Variants in MTUS2 observed in about 807,000 individuals in gnomAD.
MTUS2 encodes the protein microtubule associated scaffold protein 2, also known as microtubule-associated tumor suppressor candidate 2.
In MTUS2, 40 loss-of-function variants were observed where a neutral mutation model predicts 114.1. That is an observed-to-expected ratio of 0.35 (90% confidence interval 0.27 to 0.46). MTUS2 has a LOEUF of 0.46. Among genes scored for constraint, MTUS2 ranks in the 20% least tolerant of loss-of-function variants. The pLI is 1.00. For missense variants in MTUS2, 1,679 were observed against 1,705.4 expected (o/e 0.98, Z 0.27); for synonymous variants, 688 against 672.0 (o/e 1.02, Z -0.37).
rs1433137551 is a variant in MTUS2 at position 29,483,414 on chromosome 13, GCT to G, written c.3399+3055_3399+3056del. Among the ~76,000 whole-genome samples, 4 of 152,248 alleles carry G rather than the reference GCT, an allele frequency of 2.6e-5. No individual in the cohort carries two copies. In the East Asian group the frequency reaches 5.8e-4, roughly 22 times the overall value. ...CCGCCATCTCACAGGGCATGGGCTG[GCT>G]CTCTGCCCACGGCATGTGCTCCGGC... On this transcript the variant is annotated intron_variant, in intron 10 of 15. Coordinates refer to ENST00000612955, the MANE Select transcript of MTUS2 (RefSeq NM_001033602.4).
chr13:28,903,718 A>G (rs1447191403), intron 2 of MTUS2, among the ~76,000 whole-genome samples: 4 of 152,000 alleles, frequency 2.6e-5, no homozygotes, highest in Non-Finnish European at 4.4e-5. Context: ...GTGCCGCAAT[A>G]AACATGTGTG....
intron 9 of MTUS2, among the ~76,000 whole-genome samples, chr13:29,470,925 T>G (rs375984783): frequency 1.3e-5 from 2 of 152,260 alleles, no homozygotes; most frequent in East Asian, 3.8e-4. Flanking sequence ...GAATGGTGTC[T>G]TCTCCGAACA....
intron 5 of MTUS2, among the ~76,000 whole-genome samples, chr13:29,126,662 G>C (rs1283148399): frequency 1.3e-5 from 2 of 151,886 alleles, no homozygotes; most frequent in African/African-American, 4.8e-5. Flanking sequence ...CTCATCAGCT[G>C]TTGTTAGTAT....
At position 29,444,926 on chromosome 13, in the gene MTUS2, C is replaced by G. The variant is rs1038238861; in HGVS notation, c.3184+4877C>G. Among the ~76,000 whole-genome samples the G allele has an allele frequency of 3.9e-5, 6 of 152,230 alleles. No individual in the cohort carries two copies. The South Asian group carries it at 1.2e-3, about 31-fold the overall frequency. On this transcript the variant is annotated intron_variant, in intron 9 of 15. Coordinates refer to ENST00000612955, the MANE Select transcript of MTUS2 (RefSeq NM_001033602.4). ...TGCCTTTGCCTGTCTGCCTGGGGGA[C>G]TCAGTCTTCTCAAGTCAGCTACCCT... is the stretch of plus-strand genomic sequence containing the variant.
At chr13:28,930,337 C>T (rs1218675284) in intron 2 of MTUS2, among the ~76,000 whole-genome samples, 1 of 152,172 alleles carries the variant, frequency 6.6e-6, no homozygotes, top group African/African-American at 2.4e-5. Context: ...AAACTGAGCA[C>T]CTTCCCCAGA....
At chr13:29,321,292 A>G (rs1192111526) in intron 6 of MTUS2, among the ~76,000 whole-genome samples, 1 of 152,220 alleles carries the variant, frequency 6.6e-6, no homozygotes, top group African/African-American at 2.4e-5. Context: ...GGCTGAGACA[A>G]CAGCCGGGAG....
chr13:28,910,831 T>C (rs1187155036), intron 2 of MTUS2, among the ~76,000 whole-genome samples: 3 of 146,756 alleles, frequency 2.0e-5, no homozygotes, highest in Non-Finnish European at 4.5e-5. Flanking sequence ...GAATAGTGGC[T>C]GCAATGAACA....
intron 5 of MTUS2, among the ~76,000 whole-genome samples, chr13:29,242,223 C>T (rs1896759091): frequency 1.3e-5 from 2 of 152,272 alleles, no homozygotes; most frequent in South Asian, 4.1e-4. Flanking sequence ...TAAAAGCCCT[C>T]ATGCCCATTT....
At chr13:29,392,781 A>T (rs1484774780) in intron 8 of MTUS2, among the ~76,000 whole-genome samples, 1 of 152,194 alleles carries the variant, frequency 6.6e-6, no homozygotes, top group Non-Finnish European at 1.5e-5. Context: ...CTGGGATAAT[A>T]AAAAAGTTCT....
chr13:29,306,800 T>G, intron 6 of MTUS2: 1 of 377,572 alleles, frequency 2.6e-6, no homozygotes, highest in Non-Finnish European at 5.3e-6. Context: ...AAGGCCAGAG[T>G]CGACAGATTT....
chr13:28,837,267 C>A (rs1875154682), intron 1 of MTUS2, among the ~76,000 whole-genome samples: 1 of 152,196 alleles, frequency 6.6e-6, no homozygotes, highest in African/African-American at 2.4e-5. Context: ...TTAACAAATT[C>A]TCTTTGTGGT....
Position 29,440,124 on chromosome 13 carries a change from T to G in MTUS2, c.3184+75T>G, listed in dbSNP as rs150557736. On this transcript the variant is annotated intron_variant, in intron 9 of 15. Coordinates refer to ENST00000612955, the MANE Select transcript of MTUS2 (RefSeq NM_001033602.4). ...TCCTGTGAATGTGTACCAAAAGCAA[T>G]TATGCCTCCTGTAATAAGCCAGTGC... is the stretch of plus-strand genomic sequence containing the variant. 1,084 of 1,411,702 alleles carry G rather than the reference T, an allele frequency of 7.7e-4. 9 individuals carry two copies. In the African/African-American group the frequency reaches 0.012, roughly 16 times the overall value. 87.4% of individuals were successfully genotyped at this position (1,411,702 alleles called of 1,614,324 possible). A position where few individuals can be genotyped will look rare whatever the true frequency, so the allele number is the denominator to read the frequency against.
chr13:28,877,534 C>T (rs1167797366), intron 2 of MTUS2, among the ~76,000 whole-genome samples: 2 of 152,042 alleles, frequency 1.3e-5, no homozygotes, highest in Non-Finnish European at 2.9e-5. Context: ...AGAAGTATAA[C>T]CGAGAATGTC....
chr13:29,147,659 T>C (rs917025917), intron 5 of MTUS2, among the ~76,000 whole-genome samples: 1 of 152,184 alleles, frequency 6.6e-6, no homozygotes, highest in Non-Finnish European at 1.5e-5. Flanking sequence ...ACCCAGTGTT[T>C]AGCTCCCACT....
chr13:29,110,762 A>G (rs1455700117), intron 5 of MTUS2, among the ~76,000 whole-genome samples: 1 of 152,106 alleles, frequency 6.6e-6, no homozygotes, highest in Non-Finnish European at 1.5e-5. Flanking sequence ...CTTAACTCAG[A>G]TATCTGGATC....
At chr13:28,994,825 C>A (rs142081736) in intron 2 of MTUS2, among the ~76,000 whole-genome samples, 1 of 151,994 alleles carries the variant, frequency 6.6e-6, no homozygotes, top group African/African-American at 2.4e-5. Flanking sequence ...GAGTAGGTTG[C>A]GAAAATTTTC....
intron 5 of MTUS2, among the ~76,000 whole-genome samples, chr13:29,193,825 A>C (rs184666454): frequency 0.025 from 3,852 of 152,152 alleles, 96 homozygotes; most frequent in East Asian, 0.066. Context: ...GAGGCATCAC[A>C]CTACCTGACT....
intron 2 of MTUS2, among the ~76,000 whole-genome samples, chr13:28,853,515 G>A (rs530700610): frequency 6.6e-6 from 1 of 152,356 alleles, no homozygotes; most frequent in South Asian, 2.1e-4. Context: ...GCTCTGAACC[G>A]AGGTGTCTTG....
chr13:29,197,144 C>T (rs1041972853), intron 5 of MTUS2, among the ~76,000 whole-genome samples: 4 of 151,898 alleles, frequency 2.6e-5, no homozygotes, highest in Admixed American at 6.6e-5. Flanking sequence ...GGTGGTTTGC[C>T]GCACCCATCA....
Sources: allele counts gnomAD v4.1 joint callset (sites outside exome capture counted in the v4.1 genomes callset), GRCh38; gene constraint gnomAD v4.1.1; transcripts MANE v1.5; gene names NCBI Gene and HGNC (gene_info 2026-07-23, HGNC 2026-07-21).